The following PCDHGA7 variants were observed in gnomAD, a reference collection of about 807,000 sequenced individuals.
PCDHGA7 encodes the protein protocadherin gamma subfamily A, 7.
PCDHGA7 carries 44 observed loss-of-function variants against 58.3 expected under a neutral mutation model. The ratio of observed to expected loss-of-function variants is 0.75; its 90% confidence interval spans 0.59 to 0.97. The LOEUF (loss-of-function observed/expected upper bound fraction) is 0.97. Ranked by LOEUF, PCDHGA7 falls within the 50% of genes least tolerant of loss-of-function variation. The probability of loss-of-function intolerance (pLI) is 0.00; values close to 1 mark genes in which losing one functional copy is unlikely to be tolerated. For missense variants in PCDHGA7, 1,266 were observed against 1,188.7 expected, an observed-to-expected ratio of 1.06 and a Z score of -0.96; for synonymous variants, 516 against 504.2, an observed-to-expected ratio of 1.02 and a Z score of -0.31.
rs1057108915 is a variant in PCDHGA7 at position 141,511,366 on chromosome 5, T to C, written c.*193T>C. The C allele has an allele frequency of 3.8e-6, 5 of 1,306,414 alleles. No individual in the cohort carries two copies. In the Admixed American group the frequency reaches 8.4e-5, roughly 22 times the overall value. The allele number at this position is 1,306,414 out of a possible 1,614,324, so 80.9% of individuals were successfully genotyped here. A position where few individuals can be genotyped will look rare whatever the true frequency, so the allele number is the denominator to read the frequency against. On this transcript the variant is annotated 3_prime_UTR_variant, in exon 4 of 4. Transcript: ENST00000518325. ...CCCTTCCCCCCCAGGGGGTTGAATA[T>C]GCAAAAGCAGTTCCGCTGGGAACCC...
chr5:141,480,241 A>C (rs895691864), intron 1 of PCDHGA7, among the ~76,000 whole-genome samples: 58 of 97,306 alleles, frequency 6.0e-4, no homozygotes, highest in African/African-American at 2.2e-3. Context: ...CTGTCTCTAC[A>C]AAAAAAAAAA....
chr5:141,472,412 G>A (rs1283620276), intron 1 of PCDHGA7, among the ~76,000 whole-genome samples: 8 of 151,940 alleles, frequency 5.3e-5, no homozygotes, highest in Non-Finnish European at 8.8e-5. Context: ...GTGGTGGCAC[G>A]CACCTGTATC....
chr5:141,404,772 G>T, intron 1 of PCDHGA7: 2 of 1,613,820 alleles, frequency 1.2e-6, no homozygotes, highest in African/African-American at 1.3e-5. Flanking sequence ...CTCTCCTACC[G>T]CCTATTCAAG....
At chr5:141,488,859 G>A (rs1033425540) in intron 1 of PCDHGA7, among the ~76,000 whole-genome samples, 12 of 152,204 alleles carry the variant, frequency 7.9e-5, no homozygotes, top group African/African-American at 2.9e-4. Context: ...GCAGCACGAA[G>A]TGAGTGGGGA....
rs573580017 is a variant in PCDHGA7, at chr5:141,484,867, G to T, written c.2425-9940G>T. 33 of 282,678 alleles carry T rather than the reference G, an allele frequency of 1.2e-4. No individual in the cohort carries two copies. The South Asian group carries it at 1.6e-3, about 14-fold the overall frequency. The allele number at this position is 282,678 out of a possible 1,614,324, so 17.5% of individuals were successfully genotyped here. On this transcript the variant is annotated intron_variant, in intron 1 of 3. Transcript: ENST00000518325. ...TGGGTTTTTTGGGGGGTGGGGGAGC[G>T]TGGAGGATAGGGTGGGCTTTTTCCC...
chr5:141,389,553 G>T, intron 1 of PCDHGA7: 1 of 1,613,234 alleles, frequency 6.2e-7, no homozygotes. Context: ...CAACGACAAT[G>T]CGCCACGGGT....
At chr5:141,414,947 T>C (rs1422289231) in intron 1 of PCDHGA7, 1 of 1,614,052 alleles carries the variant, frequency 6.2e-7, no homozygotes, top group Non-Finnish European at 8.5e-7. Context: ...CCCGGCTACC[T>C]GGTGACCAAG....
intron 1 of PCDHGA7, among the ~76,000 whole-genome samples, chr5:141,458,449 A>G (rs1483902182): frequency 6.6e-6 from 1 of 152,086 alleles, no homozygotes; most frequent in Non-Finnish European, 1.5e-5. Context: ...CCACATTAAC[A>G]ATTTTTAAAA....
intron 1 of PCDHGA7, chr5:141,414,528 C>T: frequency 6.2e-7 from 1 of 1,613,970 alleles, no homozygotes; most frequent in Non-Finnish European, 8.5e-7. Flanking sequence ...ATATCAATGA[C>T]AACCCACCTA....
chr5:141,417,842 C>G (rs1247720013), intron 1 of PCDHGA7: 2 of 1,537,166 alleles, frequency 1.3e-6, no homozygotes, highest in Admixed American at 2.0e-5. Flanking sequence ...GGGGACCCAG[C>G]GAGAACCCGA....
In PCDHGA7 at chr5:141,432,296, G is replaced by T; in HGVS notation, c.2424+46973G>T. On this transcript the variant is annotated intron_variant, in intron 1 of 3. Coordinates refer to ENST00000518325, the MANE Select transcript of PCDHGA7 (RefSeq NM_018920.4). This position sits in a 1 kb window ranked among gnomAD's most constrained non-coding sequence, Gnocchi z 6.0. ...CGTGTCCATCAACTCCGACACTGGG[G>T]TACTGTATGCGCTGAGCTCCTTCGA... 1 of 1,614,224 alleles carries T rather than the reference G, an allele frequency of 6.2e-7. No individual in the cohort carries two copies. Among genetic ancestry groups the T allele is most frequent in the Non-Finnish European group, 8.5e-7 (1 of 1,180,044 alleles).
At chr5:141,389,062 T>G (rs991150761) in intron 1 of PCDHGA7, 1 of 1,613,856 alleles carries the variant, frequency 6.2e-7, no homozygotes, top group African/African-American at 1.3e-5. Context: ...TTTAAAATAT[T>G]AACTTCTTCA....
intron 1 of PCDHGA7, among the ~76,000 whole-genome samples, chr5:141,467,332 C>T (rs985838492): frequency 6.6e-6 from 1 of 152,124 alleles, no homozygotes; most frequent in Non-Finnish European, 1.5e-5. Context: ...GGATTAGAGA[C>T]GTAAGCCACT....
chr5:141,420,251 G>A lies in PCDHGA7; in HGVS notation c.2424+34928G>A, dbSNP rs778777293. ...TAGCATTTTAACTCCCAGCGTTGAA[G>A]CAGATAAGAAGATTCTTAAACAGGT... is the stretch of plus-strand genomic sequence containing the variant. On this transcript the variant is annotated intron_variant, in intron 1 of 3. Transcript: ENST00000518325. The A allele has an allele frequency of 2.9e-5, 46 of 1,578,746 alleles. No homozygotes were observed. In the South Asian group the frequency reaches 4.5e-4, roughly 15 times the overall value.
chr5:141,395,016 G>T, intron 1 of PCDHGA7: 1 of 1,614,068 alleles, frequency 6.2e-7, no homozygotes, highest in Admixed American at 1.7e-5. Flanking sequence ...ATTGGTAGGC[G>T]TGCCTGCCTC....
rs1226194073 is a variant in PCDHGA7, at chr5:141,490,496, A to G, written c.2425-4311A>G. The G allele has an allele frequency of 6.2e-7, 1 of 1,614,096 alleles. No individual in the cohort carries two copies. Among genetic ancestry groups the G allele is most frequent in the East Asian group, 2.2e-5 (1 of 44,894 alleles). On this transcript the variant is annotated intron_variant, in intron 1 of 3. Coordinates refer to ENST00000518325, the MANE Select transcript of PCDHGA7 (RefSeq NM_018920.4). The surrounding 1 kb of genome is among the most constrained non-coding windows in gnomAD (Gnocchi z 5.4). ...CCTTTGGACCGGGAGGCCACATCCCACTATATCATCGAGCTGCTGGCCAGC... is the reference window on the plus strand; with the variant it reads ...CCTTTGGACCGGGAGGCCACATCCCGCTATATCATCGAGCTGCTGGCCAGC...
intron 1 of PCDHGA7, among the ~76,000 whole-genome samples, chr5:141,475,442 T>A (rs1007534176): frequency 1.3e-5 from 2 of 152,238 alleles, no homozygotes; most frequent in African/African-American, 4.8e-5. Context: ...TAGCTCCAGA[T>A]AATGAGGAAG....
At chr5:141,510,311 C>T (rs375516156) in intron 3 of PCDHGA7, among the ~76,000 whole-genome samples, 98 of 151,056 alleles carry the variant, frequency 6.5e-4, no homozygotes, top group African/African-American at 2.3e-3. Flanking sequence ...GAAATGGAGG[C>T]TTGGAAGAGC....
At chr5:141,500,667 TC>T (rs1032555959) in intron 2 of PCDHGA7, among the ~76,000 whole-genome samples, 26 of 152,194 alleles carry the variant, frequency 1.7e-4, no homozygotes, top group African/African-American at 6.0e-4. Flanking sequence ...GGCCATACTG[TC>T]CAACAGAATT....
Sources: allele counts gnomAD v4.1 joint callset (sites outside exome capture counted in the v4.1 genomes callset), GRCh38; gene constraint gnomAD v4.1.1; non-coding constraint Gnocchi (gnomAD v3.1); transcripts MANE v1.5; gene names NCBI Gene and HGNC (gene_info 2026-07-23, HGNC 2026-07-21).